The following WASHC4 variants were observed in gnomAD, a reference collection of about 807,000 sequenced individuals.
The protein encoded by WASHC4 is WASH complex subunit 4, also known as WASH complex subunit 7.
A neutral mutation model predicts 166.6 loss-of-function variants in WASHC4; 86 were observed. The observed-to-expected ratio is 0.52, with a 90% confidence interval of 0.43 to 0.62. The LOEUF (loss-of-function observed/expected upper bound fraction) is 0.62, where lower values mean the gene tolerates loss of function less well. WASHC4 is among the 20% of genes least tolerant of loss of function. The pLI, the probability that WASHC4 is intolerant of heterozygous loss-of-function variation, is 0.00. For missense variants in WASHC4, 1,262 were observed against 1,382.4 expected (o/e 0.91, Z 1.38); for synonymous variants, 446 against 451.6 (o/e 0.99, Z 0.16).
chr12:105,139,425 G>GTGTGTGTGTGTGTGTGTGTGTATATATA, intron 15 of WASHC4, among the ~76,000 whole-genome samples: 27 of 103,218 alleles, frequency 2.6e-4, no homozygotes, highest in African/African-American at 9.2e-4. Flanking sequence ...ATGTGTGTGT[G>GTGTGTGTGTGTGTGTGTGTGTATATATA]TATATATATA....
chr12:105,151,509 T>C (rs1386560212), intron 25 of WASHC4, among the ~76,000 whole-genome samples: 7 of 151,662 alleles, frequency 4.6e-5, no homozygotes, highest in South Asian at 2.1e-4. Context: ...TGAGACTGAG[T>C]CTGGCTCTGT....
intron 13 of WASHC4, 74 bp downstream of exon 13, chr12:105,127,363 G>T (rs922554170): frequency 2.0e-6 from 2 of 1,012,270 alleles, no homozygotes; most frequent in African/African-American, 3.2e-5. Flanking sequence ...AACACTTAAT[G>T]TATAGTACCA....
Position 105,122,164 on chromosome 12 carries a change from G to A in WASHC4, c.712G>A (p.Glu238Lys). The A allele has an allele frequency of 6.2e-7, 1 of 1,610,206 alleles. No homozygotes were observed. The highest frequency in any genetic ancestry group is 1.3e-5 in the African/African-American group (1 of 74,864). Residue 238 changes from glutamate (E) to lysine (K), a missense_variant, in exon 10 of 33, where the codon GAA (glutamate) becomes AAA (lysine). Coordinates refer to ENST00000332180, the MANE Select transcript of WASHC4 (RefSeq NM_015275.3). ...CAATCCTTCAAAATTTGGAATTCAG[G>A]AAGAAAAATTAAAGCCATTTGAAAA... ...HHNPSKFGIQ[E>K]EKLKPFEKFL...
Position 105,139,425 on chromosome 12 carries a change from G to GTGTGTGTGTGTGTGTATATATA in WASHC4, c.1453-868_1453-867insGTGTGTGTGTGTGTATATATAT. On this transcript the variant is annotated intron_variant, in intron 15 of 32. Coordinates refer to ENST00000332180, the MANE Select transcript of WASHC4 (RefSeq NM_015275.3). Reference sequence around the variant, plus strand: ...AGACAGACTATATATATGTGTGTGTGTATATATATATATATATATATATAT... The same window carrying GTGTGTGTGTGTGTGTATATATA: ...AGACAGACTATATATATGTGTGTGTGTGTGTGTGTGTGTGTATATATATATATATATATATATATATATATAT... 3.3e-3 allele frequency among the ~76,000 whole-genome samples: 344 copies of GTGTGTGTGTGTGTGTATATATA among 103,176 alleles called. 1 individual carries two copies. The highest frequency in any genetic ancestry group is 5.1e-3 in the Non-Finnish European group (259 of 50,688). The allele number at this position is 103,176 out of a possible 152,430, so 67.7% of individuals were successfully genotyped here.
chr12:105,111,031 C>G (rs1879636437), intron 1 of WASHC4, 94 bp from the exon 2 acceptor site: 1 of 877,404 alleles, frequency 1.1e-6, no homozygotes, highest in African/African-American at 1.7e-5. Flanking sequence ...TAATAATTAA[C>G]AGTGCTTTGC....
At chr12:105,140,129 C>T (rs146109509) in intron 15 of WASHC4, among the ~76,000 whole-genome samples, 165 bp from the exon 16 acceptor site, 1 of 152,268 alleles carries the variant, frequency 6.6e-6, no homozygotes, top group African/African-American at 2.4e-5. Flanking sequence ...CCTCGACCTC[C>T]CAAAGTGCTG....
chr12:105,140,521 C>T (rs553553079), intron 16 of WASHC4, 120 bp downstream of exon 16: 30 of 762,056 alleles, frequency 3.9e-5, no homozygotes, highest in African/African-American at 1.2e-4. Context: ...ATAATATGCT[C>T]GGTTATTTAT....
At chr12:105,152,287 G>T in intron 25 of WASHC4, 56 bp from the exon 26 acceptor site, 1 of 844,416 alleles carries the variant, frequency 1.2e-6, no homozygotes, top group South Asian at 1.4e-5. Context: ...TTATTTGGGA[G>T]GCATTTTGTG....
chr12:105,116,827 G>A (rs1254686752), intron 6 of WASHC4, among the ~76,000 whole-genome samples: 1 of 152,174 alleles, frequency 6.6e-6, no homozygotes, highest in Non-Finnish European at 1.5e-5. Flanking sequence ...TAGTCCAAAG[G>A]AAACAGATAC....
intron 24 of WASHC4, chr12:105,148,906 C>G (rs1883517435): frequency 1.0e-6 from 1 of 985,350 alleles, no homozygotes; most frequent in Non-Finnish European, 1.2e-6. Flanking sequence ...TGACTTTAAT[C>G]TCAGCTCATA....
intron 13 of WASHC4, among the ~76,000 whole-genome samples, chr12:105,132,085 T>C (rs11834277): frequency 0.19 from 29,420 of 152,234 alleles, 2,951 homozygotes; most frequent in East Asian, 0.28. Context: ...TTCTTTACCC[T>C]GTGTAACTAA....
chr12:105,142,418 G>T, intron 18 of WASHC4, 35 bp from the exon 19 acceptor site: 1 of 1,225,422 alleles, frequency 8.2e-7, no homozygotes. Context: ...GGATTCTTCA[G>T]TTTTGGTGTG....
chr12:105,123,884 G>A (rs1881023727), intron 10 of WASHC4, among the ~76,000 whole-genome samples: 1 of 152,092 alleles, frequency 6.6e-6, no homozygotes, highest in Non-Finnish European at 1.5e-5. Context: ...GAAAATCTTA[G>A]GGCCCTTAAA....
chr12:105,147,177 T>A, intron 24 of WASHC4, 31 bp downstream of exon 24: 1 of 1,234,606 alleles, frequency 8.1e-7, no homozygotes, highest in Non-Finnish European at 1.2e-6. Context: ...GTTGAGTGGG[T>A]AATAGACCCG....
rs373661482 is a variant in WASHC4, at chr12:105,152,334, T to C, written c.2650-9T>C. ...TTTATTAAAAGTAGCCTTAAAATTT[T>C]CTGTCTAGTATCCTTTTGATAGAGC... On this transcript the variant is annotated splice_polypyrimidine_tract_variant and intron_variant, in intron 25 of 32. Transcript: ENST00000332180. 4.2e-6 allele frequency: 6 copies of C among 1,419,558 alleles called. No individual in the cohort carries two copies. Among genetic ancestry groups the C allele is most frequent in the African/African-American group, 1.4e-5 (1 of 70,860 alleles). The allele number at this position is 1,419,558 out of a possible 1,614,324, so 87.9% of individuals were successfully genotyped here.
chr12:105,140,328 T>G lies in WASHC4; in HGVS notation c.1487T>G (p.Val496Gly). Residue 496 changes from valine to glycine, a missense_variant, in exon 16 of 33, where the codon GTT (valine) becomes GGT (glycine). Val to Gly is a moderately radical substitution (Grantham distance 109, BLOSUM62 -3). Coordinates refer to ENST00000332180, the MANE Select transcript of WASHC4 (RefSeq NM_015275.3). Reference protein sequence around the residue: ...IEHMFYRRSMVVADSVSHITQ... With the variant: ...IEHMFYRRSMGVADSVSHITQ... ...CATATGTTCTACAGGAGAAGCATGG[T>G]TGTGGCTGATTCAGTTTCACATATA... is the stretch of plus-strand genomic sequence containing the variant. The G allele has an allele frequency of 6.2e-7, 1 of 1,613,806 alleles. No individual in the cohort carries two copies. Among genetic ancestry groups the G allele is most frequent in the Non-Finnish European group, 8.5e-7 (1 of 1,179,696 alleles).
intron 9 of WASHC4, among the ~76,000 whole-genome samples, chr12:105,121,784 G>T (rs1211657875): frequency 6.6e-6 from 1 of 152,194 alleles, no homozygotes; most frequent in Non-Finnish European, 1.5e-5. Context: ...GGGATTACAG[G>T]TGTGAGCCAC....
intron 2 of WASHC4, among the ~76,000 whole-genome samples, chr12:105,113,547 G>GA (rs1345018529): frequency 6.6e-6 from 1 of 151,876 alleles, no homozygotes; most frequent in Non-Finnish European, 1.5e-5. Flanking sequence ...AGTATTTTGG[G>GA]AAAAACCACA....
Position 105,167,881 on chromosome 12 carries a change from G to A in WASHC4, c.*950G>A, listed in dbSNP as rs767682878. ...AAAAATACCACTGTGAGAATAAAGC[G>A]CTAGCAAGATACATCACTTACTGAT... is the stretch of plus-strand genomic sequence containing the variant. On this transcript the variant is annotated 3_prime_UTR_variant, in exon 33 of 33. Transcript: ENST00000332180. The A allele has an allele frequency of 3.3e-5, 5 of 152,348 alleles. No homozygotes were observed. Among genetic ancestry groups the A allele is most frequent in the Non-Finnish European group, 7.4e-5 (5 of 67,908 alleles). 9.4% of individuals were successfully genotyped at this position (152,348 alleles called of 1,614,324 possible).
Sources: gnomAD v4.1 joint callset for allele counts (sites outside exome capture counted in the v4.1 genomes callset) on GRCh38, gnomAD v4.1.1 for gene constraint, MANE v1.5 for transcripts, NCBI Gene and HGNC (gene_info 2026-07-23, HGNC 2026-07-21) for gene names.